Variants in FOCAD observed in about 807,000 individuals in gnomAD.
FOCAD encodes the protein KIAA1797.
Under a neutral mutation model 225.6 loss-of-function variants are expected in FOCAD, and 198 were observed. The observed-to-expected ratio is 0.88, with a 90% CI of 0.78 to 0.99. FOCAD has a LOEUF of 0.99. Among genes scored for constraint, FOCAD ranks in the 50% least tolerant of loss-of-function variants. The probability of loss-of-function intolerance (pLI) is 0.00; values close to 1 mark genes in which losing one functional copy is unlikely to be tolerated. For synonymous variants in FOCAD, 897 were observed against 755.0 expected, an observed-to-expected ratio of 1.19 and a Z score of -3.08; for missense variants, 2,713 against 2,123.6, an observed-to-expected ratio of 1.28 and a Z score of -5.46.
At chr9:20,719,104 C>CAA (rs1267121304) in intron 3 of FOCAD, among the ~76,000 whole-genome samples, 2 of 151,536 alleles carry the variant, frequency 1.3e-5, no homozygotes, top group East Asian at 3.9e-4. Flanking sequence ...TTTTTTGAGA[C>CAA]AGAGTCTGGC....
chr9:20,689,031 AC>A (rs1194709634), intron 1 of FOCAD, among the ~76,000 whole-genome samples: 1 of 152,180 alleles, frequency 6.6e-6, no homozygotes, highest in African/African-American at 2.4e-5. Flanking sequence ...TGAAGTTTAG[AC>A]TGGATAGGGA....
At chr9:20,941,396 C>CT (rs1682487233) in intron 28 of FOCAD, among the ~76,000 whole-genome samples, 3 of 152,080 alleles carry the variant, frequency 2.0e-5, no homozygotes. Flanking sequence ...TTGTATAGCG[C>CT]TTTGTAAAGG....
At chr9:20,707,718 C>T (rs1824503722) in intron 1 of FOCAD, among the ~76,000 whole-genome samples, 1 of 152,080 alleles carries the variant, frequency 6.6e-6, no homozygotes, top group Non-Finnish European at 1.5e-5. Context: ...GTCTTGCTGT[C>T]TCAGGGGTGC....
In FOCAD at chr9:20,981,676, A is replaced by T; in HGVS notation, c.4628A>T (p.Asn1543Ile). Residue 1543 changes from asparagine (N) to isoleucine (I), a missense_variant, in exon 38 of 44, where the codon AAT becomes ATT. Transcript: ENST00000338382. ...GGGAAAATTTTTGACCTCCTGCCAA[A>T]TAAGATTCGGGTGAGGAACAAAAAT... is the stretch of plus-strand genomic sequence containing the variant. ...ATGKIFDLLP[N>I]KIRRKDLELY... The T allele has an allele frequency of 6.2e-7, 1 of 1,608,384 alleles. No individual in the cohort carries two copies. Among genetic ancestry groups the T allele is most frequent in the Non-Finnish European group, 8.5e-7 (1 of 1,177,708 alleles).
chr9:20,860,851 T>C (rs181539897), intron 15 of FOCAD, among the ~76,000 whole-genome samples: 79 of 152,348 alleles, frequency 5.2e-4, no homozygotes, highest in African/African-American at 1.6e-3. Context: ...TTGTTTTGTA[T>C]TTCTTAACTT....
rs147846255 is a variant in FOCAD, at chr9:20,976,492, A to C, written c.4205A>C (p.Gln1402Pro). Residue 1402 changes from glutamine (Q) to proline (P), a missense_variant, in exon 36 of 44, where the codon CAA becomes CCA. Transcript: ENST00000338382. ...KPIATVGESY[Q>P]YPPVNWAALL... ...ATAGCAACTGTTGGAGAAAGCTACC[A>C]ATATCCTCCTGTGAACTGGGCTGCA... 1 of 1,613,394 alleles carries C rather than the reference A, an allele frequency of 6.2e-7. No homozygotes were observed. The highest frequency in any genetic ancestry group is 2.2e-5 in the East Asian group (1 of 44,864).
At position 20,728,074 on chromosome 9, in the gene FOCAD, A is replaced by G. The variant is rs546914334; in HGVS notation, c.287+7540A>G. On this transcript the variant is annotated intron_variant, in intron 4 of 43. Transcript: ENST00000338382. ...ACACAGTAGTAATTATGCCATATTA[A>G]CCTAGCAAAAACAGTCTGCCTGAGT... 3.9e-5 allele frequency among the ~76,000 whole-genome samples: 6 copies of G among 152,326 alleles called. No individual in the cohort carries two copies. The South Asian group carries it at 1.2e-3, about 32-fold the overall frequency.
chr9:20,937,406 G>C (rs1368845677), intron 28 of FOCAD, among the ~76,000 whole-genome samples: 1 of 152,154 alleles, frequency 6.6e-6, no homozygotes, highest in Non-Finnish European at 1.5e-5. Context: ...GCAGAACAGA[G>C]CTCTCAGAAA....
intron 15 of FOCAD, among the ~76,000 whole-genome samples, chr9:20,862,019 G>T (rs183091829): frequency 3.5e-4 from 53 of 152,016 alleles, no homozygotes; most frequent in Middle Eastern, 3.4e-3. Context: ...TTAAAAAACC[G>T]GAATTAACTT....
intron 1 of FOCAD, among the ~76,000 whole-genome samples, chr9:20,707,370 CAATTTTTATG>C (rs955888237): frequency 1.3e-5 from 2 of 149,518 alleles, no homozygotes; most frequent in African/African-American, 4.8e-5. Context: ...TGAAAACTTT[CAATTTTTATG>C]AATTTTTATG....
At position 20,929,371 on chromosome 9, in the gene FOCAD, G is replaced by C. The variant is rs1447603983; in HGVS notation, c.3092G>C (p.Gly1031Ala). 6.2e-7 allele frequency: 1 copy of C among 1,613,908 alleles called. No homozygotes were observed. Among genetic ancestry groups the C allele is most frequent in the Non-Finnish European group, 8.5e-7 (1 of 1,179,980 alleles). Residue 1031 changes from glycine to alanine, a missense_variant, in exon 27 of 44, where the codon GGT (glycine) becomes GCT (alanine). Coordinates refer to ENST00000338382, the MANE Select transcript of FOCAD (RefSeq NM_001375567.1). ...GGCATGTCCTAGAAGTCCTATTCTG[G>C]TGAAAACACAGCTAGTGCCATTGCC... The part of the protein sequence containing the change: ...LSWFYYKSYS[G>A]ENTASAIARS...
At chr9:20,685,648 A>T (rs1242285139) in intron 1 of FOCAD, among the ~76,000 whole-genome samples, 1 of 152,142 alleles carries the variant, frequency 6.6e-6, no homozygotes, top group Non-Finnish European at 1.5e-5. Flanking sequence ...TTTTCAAAGC[A>T]TTTTCACTTG....
chr9:20,862,212 A>G (rs1828832788), intron 15 of FOCAD, among the ~76,000 whole-genome samples: 1 of 152,086 alleles, frequency 6.6e-6, no homozygotes, highest in African/African-American at 2.4e-5. Flanking sequence ...GAAATGGGCT[A>G]GCATTATCTT....
rs1020196460 is a variant in FOCAD at position 20,992,534 on chromosome 9, T to C, written c.5257-719T>C. On this transcript the variant is annotated intron_variant, in intron 42 of 43. Transcript: ENST00000338382. ...GAAGCCAAGTGTACTTGGGTTCAAA[T>C]CTTAACTCGGCTATACATTGAGGGT... is the stretch of plus-strand genomic sequence containing the variant. Among the ~76,000 whole-genome samples, 3 of 152,186 alleles carry C rather than the reference T, an allele frequency of 2.0e-5. No homozygotes were observed. In the South Asian group the frequency reaches 6.2e-4, roughly 31 times the overall value.
chr9:20,850,770 T>C (rs1352938785), intron 15 of FOCAD, among the ~76,000 whole-genome samples: 2 of 150,784 alleles, frequency 1.3e-5, no homozygotes, highest in Non-Finnish European at 3.0e-5. Context: ...AATTGCTCTT[T>C]AATATTATTT....
intron 35 of FOCAD, among the ~76,000 whole-genome samples, chr9:20,973,831 T>C (rs1839992459): frequency 8.4e-6 from 1 of 119,160 alleles, no homozygotes; most frequent in Non-Finnish European, 1.9e-5. Context: ...ATTTGGCCTC[T>C]GCTTCTCCTT....
At position 20,944,658 on chromosome 9, in the gene FOCAD, C is replaced by T. The variant is rs1422071736; in HGVS notation, c.3439C>T (p.Leu1147=). The T allele has an allele frequency of 1.2e-6, 2 of 1,613,900 alleles. No individual in the cohort carries two copies. The highest frequency in any genetic ancestry group is 1.3e-5 in the African/African-American group (1 of 74,912). Residue 1147 remains leucine (L), a synonymous_variant, in exon 29 of 44, where the codon CTG becomes TTG. Coordinates refer to ENST00000338382, the MANE Select transcript of FOCAD (RefSeq NM_001375567.1). ...TGCILGVGLV[L]SLMSHSSQMQ... The stretch of plus-strand genomic sequence containing the variant: ...CTGTATATTGGGAGTTGGACTTGTT[C>T]TGTCCCTCATGAGCCACAGCAGCCA...
chr9:20,916,552 G>T (rs1161086431), intron 23 of FOCAD, among the ~76,000 whole-genome samples: 1 of 152,162 alleles, frequency 6.6e-6, no homozygotes, highest in East Asian at 1.9e-4. Flanking sequence ...ATTTGGTGGG[G>T]TATGCAAACA....
chr9:20,783,444 C>A (rs1819604357), intron 10 of FOCAD, among the ~76,000 whole-genome samples: 1 of 152,074 alleles, frequency 6.6e-6, no homozygotes, highest in Non-Finnish European at 1.5e-5. Context: ...ATTTAACATG[C>A]CCCAAACTCT....
Sources: allele counts gnomAD v4.1 joint callset (sites outside exome capture counted in the v4.1 genomes callset), GRCh38; gene constraint gnomAD v4.1.1; transcripts MANE v1.5; gene names NCBI Gene and HGNC (gene_info 2026-07-23, HGNC 2026-07-21).